Variants in PACSIN2 observed in about 807,000 individuals in gnomAD.
PACSIN2 encodes protein kinase C and casein kinase substrate in neurons protein 2.
In PACSIN2, 25 loss-of-function variants were observed where a neutral mutation model predicts 63.8. The ratio of observed to expected loss-of-function variants is 0.39; its 90% CI spans 0.29 to 0.55. PACSIN2 has a LOEUF of 0.55. PACSIN2 is among the 20% of genes least tolerant of loss of function. The pLI is 0.62. For synonymous variants in PACSIN2, 255 were observed against 256.2 expected (o/e 1.00, Z 0.05); for missense variants, 518 against 646.9 (o/e 0.80, Z 2.16).
intron 1 of PACSIN2, among the ~76,000 whole-genome samples, chr22:42,955,608 C>A (rs774873186): frequency 6.6e-6 from 1 of 152,202 alleles, no homozygotes; most frequent in Non-Finnish European, 1.5e-5. Context: ...ACTGGGTACA[C>A]CTAAGATTCA....
At chr22:42,923,617 C>T (rs1340480219) in intron 1 of PACSIN2, among the ~76,000 whole-genome samples, 4 of 152,196 alleles carry the variant, frequency 2.6e-5, no homozygotes, top group Admixed American at 6.5e-5. Context: ...TTAGTAGAGA[C>T]GGGGTTTCAC....
At position 42,893,598 on chromosome 22, in the gene PACSIN2, G is replaced by A. The variant is rs757307330; in HGVS notation, c.76C>T (p.Arg26Trp). ...DSFWEVGNYKRTVKRIDDGHR... is the reference protein window; with the variant it reads ...DSFWEVGNYKWTVKRIDDGHR... The stretch of plus-strand genomic sequence containing the variant: ...CCATCGTCGATCCGCTTCACAGTCC[G>A]CTTGTAGTTCCCGACCTAGGAGAGA... Residue 26 changes from arginine (R) to tryptophan (W), a missense_variant, in exon 3 of 11, where the codon CGG becomes TGG. Around this residue, in one of 2 missense-constraint regions of PACSIN2, gnomAD observed 507 missense variants for 612.3 expected, o/e 0.83. Coordinates refer to ENST00000263246, the MANE Select transcript of PACSIN2 (RefSeq NM_001184970.3). 4 of 1,613,932 alleles carry A rather than the reference G, an allele frequency of 2.5e-6. No individual in the cohort carries two copies. The highest frequency in any genetic ancestry group is 2.5e-6 in the Non-Finnish European group (3 of 1,179,874).
In PACSIN2 at chr22:42,871,784, C is replaced by T. The variant is rs1832216818; in HGVS notation, c.1349-315G>A. ...GCTGTGCCTTCCTCACCACCCTGGC[C>T]AGGTGGCAGGAATCGTCCCTCGGTT... On this transcript the variant is annotated intron_variant, in intron 10 of 10. Coordinates refer to ENST00000263246, the MANE Select transcript of PACSIN2 (RefSeq NM_001184970.3). The surrounding 1 kb of genome is among the most constrained non-coding windows in gnomAD (Gnocchi z 5.4). 2.0e-5 allele frequency among the ~76,000 whole-genome samples: 3 copies of T among 152,126 alleles called. No homozygotes were observed. In the South Asian group the frequency reaches 6.2e-4, roughly 32 times the overall value.
intron 1 of PACSIN2, among the ~76,000 whole-genome samples, chr22:42,978,010 T>C (rs1921826572): frequency 1.3e-5 from 2 of 152,214 alleles, no homozygotes; most frequent in Admixed American, 1.3e-4. Context: ...TGAAAAAGAC[T>C]AGAGCAATTC....
intron 1 of PACSIN2, among the ~76,000 whole-genome samples, chr22:42,920,281 C>T (rs1271799994): frequency 6.6e-6 from 1 of 152,142 alleles, no homozygotes; most frequent in Non-Finnish European, 1.5e-5. Context: ...TCACGGGCTA[C>T]CCTGGGTGCC....
chr22:42,997,756 C>G (rs1393418655), intron 1 of PACSIN2, among the ~76,000 whole-genome samples: 2 of 152,010 alleles, frequency 1.3e-5, no homozygotes, highest in Admixed American at 1.3e-4. Flanking sequence ...GTGGTCCCAG[C>G]TATTACTTCA....
chr22:42,890,184 T>TA (rs1929802651), intron 4 of PACSIN2, among the ~76,000 whole-genome samples: 1 of 151,960 alleles, frequency 6.6e-6, no homozygotes, highest in Non-Finnish European at 1.5e-5. Context: ...GTACTTTTAG[T>TA]AGAGATGGGG....
intron 1 of PACSIN2, among the ~76,000 whole-genome samples, chr22:42,963,255 A>G (rs1569509): frequency 0.61 from 93,186 of 152,146 alleles, 29,233 homozygotes; most frequent in East Asian, 0.78. Context: ...AATGAGGGAC[A>G]TCTCGTGCTG....
At chr22:42,996,037 G>A (rs1014094709) in intron 1 of PACSIN2, among the ~76,000 whole-genome samples, 4 of 151,958 alleles carry the variant, frequency 2.6e-5, no homozygotes, top group Non-Finnish European at 4.4e-5. Context: ...TGGCTAACAC[G>A]GTGAAACCTC....
At chr22:42,955,608 C>T (rs774873186) in intron 1 of PACSIN2, among the ~76,000 whole-genome samples, 4 of 152,202 alleles carry the variant, frequency 2.6e-5, no homozygotes, top group Non-Finnish European at 5.9e-5. Context: ...ACTGGGTACA[C>T]CTAAGATTCA....
At chr22:42,980,142 T>C (rs914685612) in intron 1 of PACSIN2, among the ~76,000 whole-genome samples, 1 of 152,180 alleles carries the variant, frequency 6.6e-6, no homozygotes, top group Admixed American at 6.5e-5. Context: ...TATAGAGTAT[T>C]GGGTGAAAAT....
At chr22:42,949,107 A>G (rs1315957358) in intron 1 of PACSIN2, among the ~76,000 whole-genome samples, 1 of 152,216 alleles carries the variant, frequency 6.6e-6, no homozygotes, top group East Asian at 1.9e-4. Flanking sequence ...AGCCTGAGCA[A>G]CAAGGTGGGA....
intron 1 of PACSIN2, among the ~76,000 whole-genome samples, chr22:42,992,833 G>A (rs937740227): frequency 6.6e-6 from 1 of 152,202 alleles, no homozygotes; most frequent in Non-Finnish European, 1.5e-5. Flanking sequence ...TTTACTGAGT[G>A]AAAGAAGCCA....
At chr22:43,000,898 C>T (rs1443974886) in intron 1 of PACSIN2, among the ~76,000 whole-genome samples, 1 of 152,172 alleles carries the variant, frequency 6.6e-6, no homozygotes, top group Non-Finnish European at 1.5e-5. Context: ...GTCAGGAGTA[C>T]CCCTCTGGAG....
Position 43,010,398 on chromosome 22 carries a change from A to ATATTTT in PACSIN2, c.-78+4622_-78+4623insAAAATA. Among the ~76,000 whole-genome samples, 111 of 126,392 alleles carry ATATTTT rather than the reference A, an allele frequency of 8.8e-4. 3 individuals are homozygous for ATATTTT. The highest frequency in any genetic ancestry group is 2.2e-3 in the African/African-American group (79 of 35,344). The allele number at this position is 126,392 out of a possible 152,430, so 82.9% of individuals were successfully genotyped here. On this transcript the variant is annotated intron_variant, in intron 1 of 10. Coordinates refer to ENST00000263246, the MANE Select transcript of PACSIN2 (RefSeq NM_001184970.3). ...TGTTTAAAAATACATATATATATAT[A>ATATTTT]TTTTTTTTTAATTGAAAATAAAAAA...
intron 2 of PACSIN2, among the ~76,000 whole-genome samples, chr22:42,901,171 G>A (rs1602210489): frequency 6.6e-6 from 1 of 152,138 alleles, no homozygotes; most frequent in Non-Finnish European, 1.5e-5. Context: ...TCTGCACCCT[G>A]GAGAGGAAGG....
rs181071537 is a variant in PACSIN2 at position 42,979,385 on chromosome 22, G to A, written c.-78+35636C>T. Among the ~76,000 whole-genome samples the A allele has an allele frequency of 5.3e-5, 8 of 151,908 alleles. No homozygotes were observed. The East Asian group carries it at 1.2e-3, about 22-fold the overall frequency. On this transcript the variant is annotated intron_variant, in intron 1 of 10. Coordinates refer to ENST00000263246, the MANE Select transcript of PACSIN2 (RefSeq NM_001184970.3). ...CTAAAAATACAAAAATTAGCCAAGC[G>A]TGGTAGCAGGCGTCTGTAATCCCAG...
intron 6 of PACSIN2, 28 bp from the exon 7 acceptor site, chr22:42,882,332 T>A (rs1394246534): frequency 6.3e-7 from 1 of 1,590,902 alleles, no homozygotes; most frequent in Non-Finnish European, 8.6e-7. Flanking sequence ...GTGGCTCTTT[T>A]AGAAGGCAGG....
At chr22:42,879,358 G>A (rs927698619) in intron 7 of PACSIN2, among the ~76,000 whole-genome samples, 189 bp from the exon 8 acceptor site, 4 of 152,298 alleles carry the variant, frequency 2.6e-5, no homozygotes, top group East Asian at 1.9e-4. Flanking sequence ...GAACCCAAAC[G>A]ACCTGAGCCC....
Sources: allele counts gnomAD v4.1 joint callset (sites outside exome capture counted in the v4.1 genomes callset), GRCh38; gene constraint gnomAD v4.1.1; regional missense constraint gnomAD v4.1.1; non-coding constraint Gnocchi (gnomAD v3.1); transcripts MANE v1.5; gene names NCBI Gene and HGNC (gene_info 2026-07-23, HGNC 2026-07-21).